CADM2: variants seen among roughly 807,000 people sequenced by gnomAD.
CADM2 encodes the protein immunoglobulin superfamily member 4D.
A neutral mutation model predicts 49.8 loss-of-function variants in CADM2; 12 were observed. The observed-to-expected ratio is 0.24, with a 90% confidence interval of 0.15 to 0.39. The LOEUF (loss-of-function observed/expected upper bound fraction) is 0.39, where lower values mean the gene tolerates loss of function less well. Ranked by LOEUF, CADM2 falls within the 10% of genes least tolerant of loss-of-function variation. The pLI is 1.00. For synonymous variants in CADM2, 214 were observed against 175.4 expected, an observed-to-expected ratio of 1.22 and a Z score of -1.74; for missense variants, 378 against 492.3, an observed-to-expected ratio of 0.77 and a Z score of 2.20.
chr3:86,006,646 C>G (rs1730826892), intron 8 of CADM2, among the ~76,000 whole-genome samples: 5 of 152,180 alleles, frequency 3.3e-5, no homozygotes, highest in Admixed American at 3.3e-4. Flanking sequence ...TGCCTGGGAA[C>G]TACTTTGACC....
chr3:85,442,588 GTATATATATATATATATATATATATA>G lies in CADM2; in HGVS notation c.62-283914_62-283889del, dbSNP rs55882841. Among the ~76,000 whole-genome samples, 266 of 120,938 alleles carry G rather than the reference GTATATATATATATATATATATATATA, an allele frequency of 2.2e-3. 6 individuals carry two copies. Among genetic ancestry groups the G allele is most frequent in the African/African-American group, 9.4e-3 (208 of 22,196 alleles). The allele number at this position is 120,938 out of a possible 152,430, so 79.3% of individuals were successfully genotyped here. A position where few individuals can be genotyped will look rare whatever the true frequency, so the allele number is the denominator to read the frequency against. On this transcript the variant is annotated intron_variant, in intron 1 of 9. Coordinates refer to ENST00000383699, the MANE Select transcript of CADM2 (RefSeq NM_001167675.2). The stretch of plus-strand genomic sequence containing the variant: ...TATTTAAAATAATGCTTATATATGA[GTATATATATATATATATATATATATA>G]TATATATATATATATATATGAATAT...
At chr3:85,325,722 A>T (rs2044734091) in intron 1 of CADM2, among the ~76,000 whole-genome samples, 2 of 150,312 alleles carry the variant, frequency 1.3e-5, no homozygotes, top group Admixed American at 6.6e-5. Flanking sequence ...TGAATAGTGG[A>T]TGTCTATCTT....
intron 1 of CADM2, among the ~76,000 whole-genome samples, chr3:85,013,854 G>A (rs1348101209): frequency 6.9e-6 from 1 of 145,350 alleles, no homozygotes; most frequent in Non-Finnish European, 1.5e-5. Context: ...TTGTACTGAG[G>A]ACAATATTAA....
At chr3:85,931,720 T>C (rs1330900338) in intron 6 of CADM2, among the ~76,000 whole-genome samples, 1 of 152,082 alleles carries the variant, frequency 6.6e-6, no homozygotes, top group Non-Finnish European at 1.5e-5. Context: ...GCATTTCTGA[T>C]AATTTGTATG....
intron 1 of CADM2, among the ~76,000 whole-genome samples, chr3:85,515,500 A>G (rs1330284631): frequency 6.8e-6 from 1 of 148,134 alleles, no homozygotes; most frequent in Non-Finnish European, 1.5e-5. Flanking sequence ...CTCGGCTCAC[A>G]ACAACCTCTG....
At chr3:85,364,718 T>C (rs1355487063) in intron 1 of CADM2, among the ~76,000 whole-genome samples, 1 of 152,154 alleles carries the variant, frequency 6.6e-6, no homozygotes, top group Non-Finnish European at 1.5e-5. Flanking sequence ...TCAAGTTCAG[T>C]TAGGTCAATG....
intron 1 of CADM2, among the ~76,000 whole-genome samples, chr3:85,586,641 C>T (rs1005123828): frequency 5.9e-5 from 9 of 151,978 alleles, no homozygotes; most frequent in East Asian, 1.9e-4. Flanking sequence ...TTTAAAGTCA[C>T]GTATATTAAT....
chr3:85,434,364 T>C (rs141941279), intron 1 of CADM2, among the ~76,000 whole-genome samples: 198 of 152,094 alleles, frequency 1.3e-3, no homozygotes, highest in African/African-American at 4.4e-3. Flanking sequence ...AAACTAAACA[T>C]ATAGTACTTA....
chr3:85,290,748 T>A (rs2043768088), intron 1 of CADM2, among the ~76,000 whole-genome samples: 1 of 152,078 alleles, frequency 6.6e-6, no homozygotes, highest in Non-Finnish European at 1.5e-5. Flanking sequence ...GAAGGAAAAC[T>A]AACAAACAGA....
At chr3:85,231,707 C>CTTTTT (rs754139147) in intron 1 of CADM2, among the ~76,000 whole-genome samples, 6 of 130,710 alleles carry the variant, frequency 4.6e-5, no homozygotes, top group Non-Finnish European at 8.3e-5. Context: ...AGTTTCCTTT[C>CTTTTT]TTTTTTTTTT....
Position 85,542,669 on chromosome 3 carries a change from C to A in CADM2, c.62-183853C>A, listed in dbSNP as rs565781105. Among the ~76,000 whole-genome samples, 10 of 152,280 alleles carry A rather than the reference C, an allele frequency of 6.6e-5. No homozygotes were observed. In the East Asian group the frequency reaches 1.9e-3, roughly 29 times the overall value. On this transcript the variant is annotated intron_variant, in intron 1 of 9. Transcript: ENST00000383699. ...TTGACATAGCTATTAAAAGAATTAG[C>A]TGCATTTCCTCCACCTACTGCAAAA...
At chr3:85,525,220 T>A (rs533666605) in intron 1 of CADM2, among the ~76,000 whole-genome samples, 27 of 152,248 alleles carry the variant, frequency 1.8e-4, no homozygotes, top group Middle Eastern at 3.4e-3. Context: ...ACAGAAAAAA[T>A]TCAAAGATTG....
chr3:86,044,534 TG>T (rs1431161461), intron 8 of CADM2, among the ~76,000 whole-genome samples: 1 of 152,126 alleles, frequency 6.6e-6, no homozygotes, highest in Non-Finnish European at 1.5e-5. Context: ...CCAGTTAGAA[TG>T]GCGATCATTA....
In CADM2 at chr3:85,158,979, G is replaced by T. The variant is rs371387359; in HGVS notation, c.61+199311G>T. ...GACGTCTGCGTGTGTGTTAGTGTGT[G>T]AATGCTGAGAAAGTTCCGTTTACAG... On this transcript the variant is annotated intron_variant, in intron 1 of 9. Coordinates refer to ENST00000383699, the MANE Select transcript of CADM2 (RefSeq NM_001167675.2). Among the ~76,000 whole-genome samples the T allele has an allele frequency of 5.9e-5, 9 of 152,150 alleles. No homozygotes were observed. The East Asian group carries it at 1.7e-3, about 29-fold the overall frequency.
chr3:85,809,862 T>C (rs1049020538), intron 3 of CADM2, among the ~76,000 whole-genome samples: 1 of 150,844 alleles, frequency 6.6e-6, no homozygotes, highest in Non-Finnish European at 1.5e-5. Flanking sequence ...CTCTTTCTGA[T>C]TGATCTCTTC....
chr3:85,090,792 G>T (rs1041949009), intron 1 of CADM2, among the ~76,000 whole-genome samples: 2 of 152,152 alleles, frequency 1.3e-5, no homozygotes, highest in African/African-American at 4.8e-5. Flanking sequence ...CTGCACATGC[G>T]AGGGCTCTAG....
At chr3:85,757,202 C>T (rs936989512) in intron 2 of CADM2, among the ~76,000 whole-genome samples, 2 of 152,090 alleles carry the variant, frequency 1.3e-5, no homozygotes, top group African/African-American at 4.8e-5. Flanking sequence ...AAGAAATTAA[C>T]ATTTGCAATG....
intron 1 of CADM2, among the ~76,000 whole-genome samples, chr3:85,336,394 C>A (rs1375672327): frequency 3.3e-5 from 5 of 151,390 alleles, no homozygotes; most frequent in Non-Finnish European, 7.4e-5. Flanking sequence ...TTAAAATCAA[C>A]AAGAATAAGA....
intron 1 of CADM2, among the ~76,000 whole-genome samples, chr3:85,537,314 C>CAT (rs1407529865): frequency 2.0e-5 from 3 of 151,952 alleles, no homozygotes; most frequent in Non-Finnish European, 4.4e-5. Flanking sequence ...TCTACCTTGG[C>CAT]ATATATTAGC....
Sources: allele counts gnomAD v4.1 joint callset (sites outside exome capture counted in the v4.1 genomes callset), GRCh38; gene constraint gnomAD v4.1.1; transcripts MANE v1.5; gene names NCBI Gene and HGNC (gene_info 2026-07-23, HGNC 2026-07-21).